Variants in AKAP6 observed in about 807,000 individuals in gnomAD.
The protein encoded by AKAP6 is A-kinase anchoring protein 6.
AKAP6 carries 58 observed loss-of-function variants against 188.5 expected under a neutral mutation model. The ratio of observed to expected loss-of-function variants is 0.31; its 90% CI spans 0.25 to 0.38. The LOEUF (loss-of-function observed/expected upper bound fraction) is 0.38, where lower values mean the gene tolerates loss of function less well. Among genes scored for constraint, AKAP6 ranks in the 10% least tolerant of loss-of-function variants. The pLI is 1.00. For synonymous variants in AKAP6, 989 were observed against 998.6 expected (o/e 0.99, Z 0.18); for missense variants, 2,710 against 2,740.0 (o/e 0.99, Z 0.24).
Position 32,823,369 on chromosome 14 carries a change from T to C in AKAP6, c.5556T>C (p.Ser1852=). ...ATATTGAGACCCTTCTAAATGGCTC[T>C]GTAAAACGTGTCTCTGAAAATAATG... ...TLNIETLLNG[S]VKRVSENNGN... The change falls in exon 13 of 14, where the codon TCT becomes TCC. Residue 1852 remains serine (S), a synonymous_variant. Transcript: ENST00000280979. 6.2e-7 allele frequency: 1 copy of C among 1,613,850 alleles called. No homozygotes were observed.
intron 2 of AKAP6, among the ~76,000 whole-genome samples, chr14:32,461,835 T>C (rs1052334126): frequency 3.3e-5 from 5 of 152,056 alleles, no homozygotes; most frequent in Middle Eastern, 3.4e-3. Flanking sequence ...GAACCTTGAA[T>C]AGAGGTTATA....
At chr14:32,458,675 G>T (rs563174384) in intron 2 of AKAP6, among the ~76,000 whole-genome samples, 1 of 152,062 alleles carries the variant, frequency 6.6e-6, no homozygotes, top group South Asian at 2.1e-4. Flanking sequence ...CAAAATAAAT[G>T]AAAATGATAC....
At chr14:32,746,552 C>T (rs1594905035) in intron 11 of AKAP6, among the ~76,000 whole-genome samples, 1 of 152,266 alleles carries the variant, frequency 6.6e-6, no homozygotes, top group East Asian at 1.9e-4. Flanking sequence ...AGATGCAAGA[C>T]AGTCAGAGTG....
intron 2 of AKAP6, among the ~76,000 whole-genome samples, chr14:32,504,174 C>CT (rs1260907063): frequency 6.6e-6 from 1 of 151,882 alleles, no homozygotes. Context: ...GGTATTTTAT[C>CT]TTTGTTATTG....
chr14:32,552,012 T>C (rs1883495692), intron 4 of AKAP6, among the ~76,000 whole-genome samples: 1 of 152,148 alleles, frequency 6.6e-6, no homozygotes, highest in Non-Finnish European at 1.5e-5. Context: ...ATATTTATTA[T>C]TTTTGGTCTG....
intron 7 of AKAP6, among the ~76,000 whole-genome samples, chr14:32,638,915 G>A (rs1389614495): frequency 1.3e-5 from 2 of 151,952 alleles, no homozygotes; most frequent in African/African-American, 2.4e-5. Context: ...GATATCTTAT[G>A]GAAGTATAGG....
At chr14:32,562,436 A>T (rs1486478133) in intron 4 of AKAP6, among the ~76,000 whole-genome samples, 2 of 152,182 alleles carry the variant, frequency 1.3e-5, no homozygotes, top group Admixed American at 6.5e-5. Flanking sequence ...TTTCTATAGC[A>T]TAGAGAAGAC....
In AKAP6 at chr14:32,393,334, AC is replaced by A. The variant is rs967534046; in HGVS notation, c.-34-40125del. Among the ~76,000 whole-genome samples, 90 of 152,300 alleles carry A rather than the reference AC, an allele frequency of 5.9e-4. 1 individual carries two copies. The highest frequency in any genetic ancestry group is 1.9e-3 in the African/African-American group (80 of 41,572). On this transcript the variant is annotated intron_variant, in intron 1 of 13. Coordinates refer to ENST00000280979, the MANE Select transcript of AKAP6 (RefSeq NM_004274.5). ...AGATCAAACAAACCCAAATAGAGGAACACTCTATAAAATAACAGGCTGGTAC... is the reference window on the plus strand; with the variant it reads ...AGATCAAACAAACCCAAATAGAGGAAACTCTATAAAATAACAGGCTGGTAC...
rs538010600 is a variant in AKAP6 at position 32,450,048 on chromosome 14, T to C, written c.324+16231T>C. Among the ~76,000 whole-genome samples the C allele has an allele frequency of 5.9e-5, 9 of 152,280 alleles. No individual in the cohort carries two copies. In the South Asian group the frequency reaches 1.9e-3, roughly 32 times the overall value. ...GAGGCAGAGTGGAAAGCCCCCAGGA[T>C]TTGGAGATGGCAGGCCTAGTTCTGC... is the stretch of plus-strand genomic sequence containing the variant. On this transcript the variant is annotated intron_variant, in intron 2 of 13. Coordinates refer to ENST00000280979, the MANE Select transcript of AKAP6 (RefSeq NM_004274.5).
At chr14:32,801,847 T>C (rs2033959341) in intron 12 of AKAP6, among the ~76,000 whole-genome samples, 1 of 152,166 alleles carries the variant, frequency 6.6e-6, no homozygotes, top group Admixed American at 6.5e-5. Flanking sequence ...GCTTGAATGA[T>C]TTCTGATGAG....
chr14:32,744,775 C>A (rs959393632), intron 11 of AKAP6, among the ~76,000 whole-genome samples: 5 of 152,042 alleles, frequency 3.3e-5, no homozygotes, highest in Admixed American at 6.6e-5. Context: ...ATTTTCTGGA[C>A]CTTGGAGGCC....
intron 1 of AKAP6, among the ~76,000 whole-genome samples, chr14:32,416,294 A>G (rs1453312122): frequency 1.3e-5 from 2 of 152,154 alleles, no homozygotes; most frequent in African/African-American, 4.8e-5. Flanking sequence ...TTCTTCCCTA[A>G]TAAGTGATGT....
chr14:32,562,943 G>T (rs1235802202), intron 4 of AKAP6, among the ~76,000 whole-genome samples: 1 of 151,958 alleles, frequency 6.6e-6, no homozygotes, highest in Non-Finnish European at 1.5e-5. Context: ...GAAGACTGTT[G>T]ACCAGAGTCT....
intron 9 of AKAP6, among the ~76,000 whole-genome samples, chr14:32,707,417 T>C (rs1024065175): frequency 6.6e-6 from 1 of 152,110 alleles, no homozygotes; most frequent in Non-Finnish European, 1.5e-5. Flanking sequence ...CAAAAGTGCC[T>C]CCCTGTGAAA....
intron 12 of AKAP6, among the ~76,000 whole-genome samples, chr14:32,797,925 G>GAAAAAAAAAAAA (rs57455449): frequency 7.8e-6 from 1 of 128,096 alleles, no homozygotes; most frequent in Non-Finnish European, 1.7e-5. Flanking sequence ...CTTCTGCACA[G>GAAAAAAAAAAAA]AAAAAAAAAA....
intron 12 of AKAP6, among the ~76,000 whole-genome samples, chr14:32,813,272 G>A (rs1594973505): frequency 1.3e-5 from 2 of 152,044 alleles, no homozygotes; most frequent in African/African-American, 2.4e-5. Context: ...GGCGGGCAAA[G>A]CTTCCACATT....
intron 7 of AKAP6, among the ~76,000 whole-genome samples, chr14:32,624,990 A>G (rs1032063746): frequency 2.0e-5 from 3 of 152,202 alleles, no homozygotes; most frequent in Non-Finnish European, 4.4e-5. Flanking sequence ...TGAGTCATAC[A>G]GTGAATAATT....
At chr14:32,516,975 C>T (rs79811237) in intron 2 of AKAP6, among the ~76,000 whole-genome samples, 12,308 of 152,156 alleles carry the variant, frequency 0.081, 541 homozygotes, top group Non-Finnish European at 0.1. Flanking sequence ...GAATAGTCAA[C>T]TTGAAGCTAG....
intron 11 of AKAP6, among the ~76,000 whole-genome samples, chr14:32,772,283 G>T (rs2032922882): frequency 6.6e-6 from 1 of 152,094 alleles, no homozygotes; most frequent in Non-Finnish European, 1.5e-5. Context: ...AGACATGGTG[G>T]TTATATCAGG....
Sources: gnomAD v4.1 joint callset for allele counts (sites outside exome capture counted in the v4.1 genomes callset) on GRCh38, gnomAD v4.1.1 for gene constraint, MANE v1.5 for transcripts, NCBI Gene and HGNC (gene_info 2026-07-23, HGNC 2026-07-21) for gene names.